The following MAF variants were observed in gnomAD, a reference collection of about 807,000 sequenced individuals.
MAF encodes the protein transcription factor Maf.
MAF carries 10 observed loss-of-function variants against 22.0 expected under a neutral mutation model. The ratio of observed to expected loss-of-function variants is 0.45; its 90% CI spans 0.28 to 0.77. The LOEUF is 0.77. Among genes scored for constraint, MAF ranks in the 30% least tolerant of loss-of-function variants. MAF has a pLI of 0.12. For synonymous variants in MAF, 337 were observed against 255.8 expected (o/e 1.32, Z -3.03); for missense variants, 544 against 548.4 (o/e 0.99, Z 0.08).
chr16:79,259,995 T>G, the MAF span, among the ~76,000 whole-genome samples: 3 of 152,156 alleles, frequency 2.0e-5, no homozygotes, highest in Non-Finnish European at 4.4e-5. Flanking sequence ...CAGTGCATAG[T>G]GGGACTACCT....
chr16:79,230,298 TG>T, the MAF span, among the ~76,000 whole-genome samples: 1 of 152,086 alleles, frequency 6.6e-6, no homozygotes, highest in South Asian at 2.1e-4. Context: ...GCTGCTTCTG[TG>T]GGTGCCTCCA....
chr16:79,332,642 A>G, the MAF span, among the ~76,000 whole-genome samples: 1 of 152,236 alleles, frequency 6.6e-6, no homozygotes, highest in Non-Finnish European at 1.5e-5. Context: ...AACATGCTAC[A>G]TGCCAGACAA....
chr16:79,368,394 C>G, the MAF span, among the ~76,000 whole-genome samples: 13 of 152,208 alleles, frequency 8.5e-5, no homozygotes, highest in Middle Eastern at 0.01. Context: ...GAGGCCTTTT[C>G]TAGAGCTCAT....
At chr16:79,554,623 C>A in the MAF span, among the ~76,000 whole-genome samples, 1 of 152,100 alleles carries the variant, frequency 6.6e-6, no homozygotes, top group Non-Finnish European at 1.5e-5. Context: ...GGCCCAGTGA[C>A]CCCATTACTC....
the MAF span, among the ~76,000 whole-genome samples, chr16:79,473,664 G>C: frequency 6.6e-6 from 1 of 152,144 alleles, no homozygotes; most frequent in Non-Finnish European, 1.5e-5. Context: ...GGGTGAGCAT[G>C]TCTTTATGAC....
At chr16:79,482,558 G>C in the MAF span, among the ~76,000 whole-genome samples, 11 of 152,240 alleles carry the variant, frequency 7.2e-5, no homozygotes, top group East Asian at 1.9e-4. Flanking sequence ...GTCCATTACA[G>C]AATGAGGAGT....
rs935986287 is a variant in MAF at position 79,599,179 on chromosome 16, C to T, written c.724G>A (p.Ala242Thr). The T allele has an allele frequency of 7.6e-6, 9 of 1,178,052 alleles. No homozygotes were observed. In the African/African-American group the frequency reaches 9.7e-5, roughly 13 times the overall value. The allele number at this position is 1,178,052 out of a possible 1,614,324, so 73.0% of individuals were successfully genotyped here. A position where few individuals can be genotyped will look rare whatever the true frequency, so the allele number is the denominator to read the frequency against. The change falls in exon 1 of 2, where the codon GCG becomes ACG. Residue 242 changes from alanine to threonine, a missense_variant. By Grantham distance (58) the Ala-to-Thr change is moderately conservative. Transcript: ENST00000326043. Reference protein sequence around the residue: ...GGGGGGGAAGAGGALHPHHAA... With the variant: ...GGGGGGGAAGTGGALHPHHAA... ...TGGTGCGGGTGCAGGGCGCCCCCCG[C>T]CCCCGCCGCGCCCCCGCCGCCTCCG...
chr16:79,362,087 T>C, the MAF span, among the ~76,000 whole-genome samples: 1 of 152,236 alleles, frequency 6.6e-6, no homozygotes, highest in Non-Finnish European at 1.5e-5. Flanking sequence ...GCCACTTACC[T>C]ATCTGTGATA....
the MAF span, among the ~76,000 whole-genome samples, chr16:79,350,895 G>GTA: frequency 6.6e-6 from 1 of 151,930 alleles, no homozygotes; most frequent in Non-Finnish European, 1.5e-5. Context: ...GTGTGTGTGT[G>GTA]TGTGTGTGCG....
the MAF span, among the ~76,000 whole-genome samples, chr16:79,262,739 A>G: frequency 6.6e-6 from 1 of 152,170 alleles, no homozygotes; most frequent in South Asian, 2.1e-4. Flanking sequence ...CAATGCTTGC[A>G]CCATCCAGAG....
At chr16:79,589,928 C>T (rs550344377), downstream of MAF, among the ~76,000 whole-genome samples, 25 of 152,268 alleles carry the variant, frequency 1.6e-4, no homozygotes, top group South Asian at 5.2e-3. Flanking sequence ...CGCACCGGCT[C>T]CCTGGGCACT....
chr16:79,270,389 A>G, the MAF span, among the ~76,000 whole-genome samples: 61 of 152,120 alleles, frequency 4.0e-4, 1 homozygote, highest in African/African-American at 1.5e-3. Flanking sequence ...AGGGCAGAGG[A>G]GCATGTGTGG....
the MAF span, among the ~76,000 whole-genome samples, chr16:79,235,641 C>A: frequency 6.6e-6 from 1 of 152,016 alleles, no homozygotes; most frequent in African/African-American, 2.4e-5. Context: ...ATGGGCAACT[C>A]TATGCACACG....
the MAF span, among the ~76,000 whole-genome samples, chr16:79,279,289 G>A: frequency 6.6e-6 from 1 of 152,120 alleles, no homozygotes; most frequent in Non-Finnish European, 1.5e-5. Flanking sequence ...TGACCTCCTT[G>A]AGCTTCACTG....
the MAF span, among the ~76,000 whole-genome samples, chr16:79,506,456 G>T: frequency 6.6e-6 from 1 of 152,166 alleles, no homozygotes; most frequent in Admixed American, 6.5e-5. Context: ...AGCAGCTGAA[G>T]ATCCCCAGCC....
At chr16:79,254,396 C>A in the MAF span, among the ~76,000 whole-genome samples, 4 of 152,120 alleles carry the variant, frequency 2.6e-5, no homozygotes, top group African/African-American at 9.7e-5. Context: ...TCCAAGGATC[C>A]TCTTACATTT....
downstream of MAF, among the ~76,000 whole-genome samples, chr16:79,591,361 G>A (rs1356224092): frequency 2.0e-5 from 3 of 152,104 alleles, no homozygotes; most frequent in Admixed American, 6.5e-5. Context: ...CAGCAGACAC[G>A]ACTCCTTCAT....
At chr16:79,343,559 G>A in the MAF span, among the ~76,000 whole-genome samples, 2 of 152,162 alleles carry the variant, frequency 1.3e-5, no homozygotes, top group Admixed American at 1.3e-4. Context: ...TGCCTGGTCT[G>A]TATCATTATT....
At chr16:79,538,313 A>C in the MAF span, among the ~76,000 whole-genome samples, 1 of 152,216 alleles carries the variant, frequency 6.6e-6, no homozygotes, top group Admixed American at 6.5e-5. Context: ...CCATTAGAGA[A>C]AGGAAGGCTT....
Sources: allele counts gnomAD v4.1 joint callset (sites outside exome capture counted in the v4.1 genomes callset), GRCh38; gene constraint gnomAD v4.1.1; transcripts MANE v1.5; gene names NCBI Gene and HGNC (gene_info 2026-07-23, HGNC 2026-07-21).